Variants in IFI16 observed in about 807,000 individuals in gnomAD.
The protein encoded by IFI16 is interferon gamma inducible protein 16, also known as gamma-interferon-inducible protein 16.
In IFI16, 49 loss-of-function variants were observed where a neutral mutation model predicts 68.4. The observed-to-expected ratio is 0.72, with a 90% confidence interval of 0.57 to 0.91. IFI16 has a LOEUF of 0.91. Among genes scored for constraint, IFI16 ranks in the 40% least tolerant of loss-of-function variants. IFI16 has a pLI of 0.00. For missense variants in IFI16, 878 were observed against 942.9 expected, an observed-to-expected ratio of 0.93 and a Z score of 0.90; for synonymous variants, 307 against 315.0, an observed-to-expected ratio of 0.97 and a Z score of 0.27.
At chr1:159,032,077 C>A (rs148280762) in intron 6 of IFI16, among the ~76,000 whole-genome samples, 1 of 152,136 alleles carries the variant, frequency 6.6e-6, no homozygotes, top group Non-Finnish European at 1.5e-5. Context: ...TGCAATAGGT[C>A]CTATTGCTCT....
intron 6 of IFI16, among the ~76,000 whole-genome samples, chr1:159,024,265 G>A (rs1284934215): frequency 6.6e-6 from 1 of 152,136 alleles, no homozygotes; most frequent in African/African-American, 2.4e-5. Flanking sequence ...ATCTAGAACC[G>A]AGGCTACTGA....
intron 6 of IFI16, among the ~76,000 whole-genome samples, chr1:159,029,679 GTTTT>G (rs61339753): frequency 7.6e-6 from 1 of 131,148 alleles, no homozygotes. Context: ...GCTTTGTTCA[GTTTT>G]TTTTTTTTTT....
At chr1:159,046,072 T>C (rs1470727568) in intron 8 of IFI16, among the ~76,000 whole-genome samples, 1 of 151,288 alleles carries the variant, frequency 6.6e-6, no homozygotes, top group Non-Finnish European at 1.5e-5. Flanking sequence ...AACCATACAA[T>C]ATAGATTTAA....
chr1:159,007,033 C>T (rs1652285725), upstream of IFI16, among the ~76,000 whole-genome samples: 1 of 151,900 alleles, frequency 6.6e-6, no homozygotes. Flanking sequence ...CAAGATAATA[C>T]AGAGAAAAAT....
chr1:159,029,294 T>C (rs1653854184), intron 6 of IFI16, among the ~76,000 whole-genome samples: 1 of 152,230 alleles, frequency 6.6e-6, no homozygotes, highest in African/African-American at 2.4e-5. Context: ...AATTGTTTTG[T>C]TTAAGGAGGC....
chr1:159,009,540 A>G (rs969204602), upstream of IFI16, among the ~76,000 whole-genome samples: 3 of 152,222 alleles, frequency 2.0e-5, no homozygotes, highest in Non-Finnish European at 2.9e-5. Context: ...ATATTTGAGC[A>G]TCATTTAAGG....
chr1:159,033,102 A>G (rs1454407674), intron 7 of IFI16, among the ~76,000 whole-genome samples: 7 of 152,008 alleles, frequency 4.6e-5, no homozygotes, highest in Non-Finnish European at 1.5e-5. Flanking sequence ...CCCATTACAT[A>G]TTTTGACACA....
intron 6 of IFI16, among the ~76,000 whole-genome samples, chr1:159,026,353 C>A (rs1257757560): frequency 6.7e-6 from 1 of 149,510 alleles, no homozygotes; most frequent in African/African-American, 2.5e-5. Context: ...GCCTGGAGTG[C>A]AATGGCGCGA....
At chr1:159,037,423 G>A (rs745755824) in intron 7 of IFI16, among the ~76,000 whole-genome samples, 2 of 152,094 alleles carry the variant, frequency 1.3e-5, no homozygotes, top group Non-Finnish European at 2.9e-5. Context: ...GGTTTCTCCC[G>A]AAGATTTTGT....
chr1:159,050,034 CT>C (rs1302908042), intron 9 of IFI16, among the ~76,000 whole-genome samples: 1 of 152,154 alleles, frequency 6.6e-6, no homozygotes, highest in Non-Finnish European at 1.5e-5. Context: ...TCAGAAATCT[CT>C]ATCTAATGCC....
intron 9 of IFI16, 43 bp from the exon 10 acceptor site, chr1:159,051,636 T>C: frequency 6.6e-7 from 1 of 1,504,524 alleles, no homozygotes; most frequent in Admixed American, 1.9e-5. Flanking sequence ...ACCCTGTTTT[T>C]CCTGTTTTAA....
chr1:159,035,587 G>T (rs1057407790), intron 7 of IFI16, among the ~76,000 whole-genome samples: 1 of 152,096 alleles, frequency 6.6e-6, no homozygotes, highest in Non-Finnish European at 1.5e-5. Flanking sequence ...TTATTCTTGG[G>T]TGTCCACTAT....
At chr1:159,053,780 T>C in intron 11 of IFI16, 56 bp downstream of exon 11, 2 of 1,382,914 alleles carry the variant, frequency 1.4e-6, no homozygotes, top group Non-Finnish European at 2.0e-6. Context: ...TTGTTTATAC[T>C]TTAAGAAGAC....
chr1:159,047,714 G>A (rs978507552), intron 8 of IFI16, among the ~76,000 whole-genome samples: 2 of 147,672 alleles, frequency 1.4e-5, no homozygotes, highest in Admixed American at 6.8e-5. Flanking sequence ...TCTGTGATTC[G>A]CAACGTAAGC....
intron 6 of IFI16, among the ~76,000 whole-genome samples, chr1:159,025,876 T>C (rs1557869891): frequency 6.6e-6 from 1 of 152,342 alleles, no homozygotes; most frequent in Middle Eastern, 3.4e-3. Context: ...TCCAGTTTCA[T>C]TCTTCTACTT....
At chr1:159,052,165 C>T (rs1261115864) in intron 10 of IFI16, 67 bp downstream of exon 10, 2 of 1,320,744 alleles carry the variant, frequency 1.5e-6, no homozygotes, top group Non-Finnish European at 2.1e-6. Context: ...CTTAACTTGT[C>T]AACTGGAGTT....
At chr1:159,015,610 G>C (rs1187836390) in intron 2 of IFI16, 1 of 298,462 alleles carries the variant, frequency 3.4e-6, no homozygotes, top group East Asian at 6.2e-5. Flanking sequence ...GGAGTTCAGA[G>C]AACAGGAAGC....
intron 7 of IFI16, among the ~76,000 whole-genome samples, chr1:159,038,661 G>A (rs1185642950): frequency 3.3e-5 from 5 of 152,180 alleles, no homozygotes; most frequent in African/African-American, 1.2e-4. Flanking sequence ...GCCACTGCAT[G>A]CAGCTTAAAT....
chr1:159,029,522 G>GA (rs1653872071), intron 6 of IFI16, among the ~76,000 whole-genome samples: 1 of 152,100 alleles, frequency 6.6e-6, no homozygotes, highest in South Asian at 2.1e-4. Context: ...CTCGTATTTG[G>GA]ATGTCTAGAT....
Sources: gnomAD v4.1 joint callset for allele counts (sites outside exome capture counted in the v4.1 genomes callset) on GRCh38, gnomAD v4.1.1 for gene constraint, MANE v1.5 for transcripts, NCBI Gene and HGNC (gene_info 2026-07-23, HGNC 2026-07-21) for gene names.